The following DST variants were observed in gnomAD, a reference collection of about 807,000 sequenced individuals.
DST encodes bullous pemphigoid antigen.
A neutral mutation model predicts 875.2 loss-of-function variants in DST; 253 were observed. The observed-to-expected ratio is 0.29, with a 90% confidence interval of 0.26 to 0.32. The LOEUF (loss-of-function observed/expected upper bound fraction) is 0.32. Among genes scored for constraint, DST ranks in the 10% least tolerant of loss-of-function variants. DST has a pLI of 1.00. For missense variants in DST, 8,287 were observed against 9,111.6 expected (o/e 0.91, Z 3.68); for synonymous variants, 3,124 against 3,197.1 (o/e 0.98, Z 0.77).
chr6:56,924,102 C>T (rs750783575), intron 2 of DST, among the ~76,000 whole-genome samples: 4 of 151,994 alleles, frequency 2.6e-5, no homozygotes, highest in East Asian at 1.9e-4. Context: ...CCAGCCCGGG[C>T]GATAGAGCAA....
intron 4 of DST, among the ~76,000 whole-genome samples, chr6:56,831,129 A>T (rs1269831421): frequency 6.6e-6 from 1 of 152,210 alleles, no homozygotes; most frequent in Non-Finnish European, 1.5e-5. Flanking sequence ...TATGATCATC[A>T]ATCTAATTGA....
chr6:56,925,292 T>A (rs1358867995), intron 2 of DST, among the ~76,000 whole-genome samples: 1 of 152,204 alleles, frequency 6.6e-6, no homozygotes, highest in African/African-American at 2.4e-5. Flanking sequence ...TTTAAAAAGC[T>A]TTCTTAGCAT....
In DST at chr6:56,900,421, A is replaced by G; in HGVS notation, c.417T>C (p.Pro139=). 1 of 1,366,910 alleles carries G rather than the reference A, an allele frequency of 7.3e-7. No individual in the cohort carries two copies. Among genetic ancestry groups the G allele is most frequent in the Non-Finnish European group, 9.8e-7 (1 of 1,021,490 alleles). 84.7% of individuals were successfully genotyped at this position (1,366,910 alleles called of 1,614,324 possible). Residue 139 remains proline (P), a splice_region_variant and synonymous_variant, in exon 3 of 104, where the codon CCT becomes CCC. Coordinates refer to ENST00000680361, the MANE Select transcript of DST (RefSeq NM_001374736.1). ...HSVQGASIRR[P]SSGNASYRCS... Reference sequence around the variant, plus strand: ...TTATAAAAGACAGTTCTCTACTTACAGGCCTCCTGATTGAAGCACCTTGAA... The same window carrying G: ...TTATAAAAGACAGTTCTCTACTTACGGGCCTCCTGATTGAAGCACCTTGAA...
rs758328771 is a variant in DST, at chr6:56,619,265, A to G, written c.4930-4781T>C. The G allele has an allele frequency of 7.4e-6, 12 of 1,612,980 alleles. No homozygotes were observed. The highest frequency in any genetic ancestry group is 6.7e-5 in the Admixed American group (4 of 59,932). ...CTCTGATTCTGCCTGAATTCTCTGCATCATTAATTTGGTTTCATTATTCTG... is the reference window on the plus strand; with the variant it reads ...CTCTGATTCTGCCTGAATTCTCTGCGTCATTAATTTGGTTTCATTATTCTG... On this transcript the variant is annotated intron_variant, in intron 36 of 103. Coordinates refer to ENST00000680361, the MANE Select transcript of DST (RefSeq NM_001374736.1).
intron 92 of DST, 61 bp downstream of exon 92, chr6:56,476,088 G>A: frequency 7.2e-7 from 1 of 1,394,492 alleles, no homozygotes. Flanking sequence ...AAGTACAGCA[G>A]TGAAAGAAAG....
chr6:56,893,258 G>C (rs1195706105), intron 3 of DST, among the ~76,000 whole-genome samples: 1 of 152,142 alleles, frequency 6.6e-6, no homozygotes, highest in Non-Finnish European at 1.5e-5. Flanking sequence ...ATGATGTTTG[G>C]TTTTCCATTC....
chr6:56,848,355 C>G (rs551405274), intron 4 of DST, among the ~76,000 whole-genome samples: 1 of 152,210 alleles, frequency 6.6e-6, no homozygotes, highest in Non-Finnish European at 1.5e-5. Flanking sequence ...ACTAAACTCT[C>G]AGCTCTTTTA....
intron 5 of DST, among the ~76,000 whole-genome samples, chr6:56,711,012 T>G (rs188723483): frequency 3.1e-4 from 39 of 126,824 alleles, no homozygotes; most frequent in African/African-American, 9.6e-4. Flanking sequence ...TAATAGAGAG[T>G]TTTTTTTTTA....
chr6:56,477,224 G>T, intron 91 of DST, 121 bp downstream of exon 91: 1 of 1,085,476 alleles, frequency 9.2e-7, no homozygotes, highest in East Asian at 2.7e-5. Context: ...TTAAAAGAAC[G>T]TTTTCTATGT....
intron 49 of DST, among the ~76,000 whole-genome samples, chr6:56,584,036 A>G (rs1177034071): frequency 6.6e-6 from 1 of 152,134 alleles, no homozygotes. Flanking sequence ...TGATGCCTCC[A>G]GCTTTGTTCT....
chr6:56,704,234 A>G, intron 6 of DST, 46 bp downstream of exon 6: 1 of 1,031,218 alleles, frequency 9.7e-7, no homozygotes, highest in Non-Finnish European at 1.4e-6. Context: ...CCTATGCAGA[A>G]AAGATTACAC....
intron 4 of DST, among the ~76,000 whole-genome samples, chr6:56,785,300 C>T (rs2099702864): frequency 6.6e-6 from 1 of 152,226 alleles, no homozygotes; most frequent in Admixed American, 6.5e-5. Flanking sequence ...TTTGTCTGTG[C>T]CCTGCCCCCA....
chr6:56,621,483 C>A (rs2098690215), intron 36 of DST, among the ~76,000 whole-genome samples: 1 of 152,174 alleles, frequency 6.6e-6, no homozygotes, highest in African/African-American at 2.4e-5. Flanking sequence ...TTGTTAATAA[C>A]ATGCCTCATA....
intron 2 of DST, among the ~76,000 whole-genome samples, chr6:56,907,027 C>A (rs754345563): frequency 6.6e-6 from 1 of 152,222 alleles, no homozygotes; most frequent in Admixed American, 6.5e-5. Flanking sequence ...TAATAATAAC[C>A]CAGTACATCT....
chr6:56,880,321 A>G (rs1292739279), intron 3 of DST, among the ~76,000 whole-genome samples: 1 of 152,242 alleles, frequency 6.6e-6, no homozygotes, highest in Admixed American at 6.5e-5. Context: ...TCTCATTACT[A>G]AAGTCAGAAT....
At chr6:56,764,353 C>G (rs968444182) in intron 4 of DST, among the ~76,000 whole-genome samples, 2 of 152,178 alleles carry the variant, frequency 1.3e-5, no homozygotes, top group African/African-American at 4.8e-5. Flanking sequence ...TGGCTTGTAG[C>G]CTTTTCTTTC....
chr6:56,561,665 G>T, intron 56 of DST, 116 bp from the exon 57 acceptor site: 2 of 965,576 alleles, frequency 2.1e-6, no homozygotes, highest in Non-Finnish European at 3.0e-6. Context: ...TCATTATTAA[G>T]CCTAGTAGAT....
intron 4 of DST, among the ~76,000 whole-genome samples, chr6:56,803,272 T>G (rs2099749357): frequency 6.6e-6 from 1 of 152,248 alleles, no homozygotes; most frequent in South Asian, 2.1e-4. Flanking sequence ...TGTCTGGATA[T>G]AGCCTATTCC....
chr6:56,498,161 T>A, intron 80 of DST, 108 bp from the exon 81 acceptor site: 1 of 1,107,376 alleles, frequency 9.0e-7, no homozygotes, highest in Non-Finnish European at 1.3e-6. Context: ...AACAAAAACG[T>A]TATATGTGTA....
Sources: allele counts gnomAD v4.1 joint callset (sites outside exome capture counted in the v4.1 genomes callset), GRCh38; gene constraint gnomAD v4.1.1; transcripts MANE v1.5; gene names NCBI Gene and HGNC (gene_info 2026-07-23, HGNC 2026-07-21).